The following DGKB variants were observed in gnomAD, a reference collection of about 807,000 sequenced individuals.
The protein encoded by DGKB is diacylglycerol kinase beta.
In DGKB, 67 loss-of-function variants were observed where a neutral mutation model predicts 114.3. The observed-to-expected ratio is 0.59, with a 90% CI of 0.48 to 0.72. The LOEUF is 0.72. Ranked by LOEUF, DGKB falls within the 30% of genes least tolerant of loss-of-function variation. The pLI, the probability that DGKB is intolerant of heterozygous loss-of-function variation, is 0.00. For missense variants in DGKB, 907 were observed against 975.2 expected (o/e 0.93, Z 0.93); for synonymous variants, 398 against 323.1 (o/e 1.23, Z -2.49).
chr7:14,439,658 G>A (rs1348050502), intron 21 of DGKB, among the ~76,000 whole-genome samples: 1 of 152,030 alleles, frequency 6.6e-6, no homozygotes. Flanking sequence ...GAGGTCAGGA[G>A]TTTGAGACCA....
intron 2 of DGKB, among the ~76,000 whole-genome samples, chr7:14,825,421 C>A (rs1233724069): frequency 6.6e-6 from 1 of 152,134 alleles, no homozygotes; most frequent in African/African-American, 2.4e-5. Context: ...TTTCCTGCAA[C>A]TGGATGGTCC....
Position 14,841,229 on chromosome 7 carries a change from G to A in DGKB, c.35C>T (p.Pro12Leu). 6.2e-7 allele frequency: 1 copy of A among 1,613,550 alleles called. No individual in the cohort carries two copies. Among genetic ancestry groups the A allele is most frequent in the Non-Finnish European group, 8.5e-7 (1 of 1,179,712 alleles). The change falls in exon 2 of 26, where the codon CCT (proline) becomes CTT (leucine). Residue 12 changes from proline to leucine, a missense_variant. Around this residue, in one of 3 missense-constraint regions of DGKB, gnomAD observed 814 missense variants for 856.6 expected, o/e 0.95. Coordinates refer to ENST00000402815, the MANE Select transcript of DGKB (RefSeq NM_001350709.2). ...TNQEKWAHLS[P>L]SEFSQLQKYA... ...TTTCTGAAGTTGGGAAAATTCCGAA[G>A]GGCTGAGGTGGGCCCATTTTTCCTG...
chr7:14,418,986 C>T lies in DGKB; in HGVS notation c.1835+59175G>A, dbSNP rs184506964. 9.9e-5 allele frequency among the ~76,000 whole-genome samples: 15 copies of T among 151,944 alleles called. No individual in the cohort carries two copies. In the East Asian group the frequency reaches 2.3e-3, roughly 24 times the overall value. ...ACAATATTCCAGGCCATAGGTTCTG[C>T]ATAGCACATTAGGGAGACAAGACTC... On this transcript the variant is annotated intron_variant, in intron 21 of 25. Transcript: ENST00000402815.
chr7:14,296,312 G>A (rs1055913108), intron 23 of DGKB, among the ~76,000 whole-genome samples: 2 of 152,124 alleles, frequency 1.3e-5, no homozygotes, highest in African/African-American at 4.8e-5. Flanking sequence ...TTACAGGCGT[G>A]AGCCACCATG....
At chr7:14,649,467 G>A (rs1022845203) in intron 13 of DGKB, among the ~76,000 whole-genome samples, 5 of 151,422 alleles carry the variant, frequency 3.3e-5, no homozygotes, top group Non-Finnish European at 5.9e-5. Flanking sequence ...TCACCACCAG[G>A]CCTGCCTTAC....
chr7:14,717,671 A>G (rs1194168552), intron 6 of DGKB, among the ~76,000 whole-genome samples: 2 of 152,244 alleles, frequency 1.3e-5, no homozygotes, highest in East Asian at 1.9e-4. Context: ...GATTATTTAC[A>G]TTTGCTTCAG....
intron 21 of DGKB, among the ~76,000 whole-genome samples, chr7:14,443,305 A>G (rs887516432): frequency 6.6e-6 from 1 of 152,052 alleles, no homozygotes; most frequent in African/African-American, 2.4e-5. Flanking sequence ...TGACCTCTCA[A>G]TCAGACACCA....
intron 1 of DGKB, among the ~76,000 whole-genome samples, chr7:14,961,547 T>A (rs1289954169): frequency 6.6e-6 from 1 of 152,116 alleles, no homozygotes; most frequent in Admixed American, 6.6e-5. Flanking sequence ...AAAGTGTGGT[T>A]GGGAGCAACA....
intron 1 of DGKB, among the ~76,000 whole-genome samples, chr7:14,849,489 C>A (rs905231901): frequency 6.6e-6 from 1 of 152,088 alleles, no homozygotes; most frequent in Non-Finnish European, 1.5e-5. Flanking sequence ...TGTGACAATG[C>A]AGCAAGAAGG....
Position 14,283,014 on chromosome 7 carries a change from G to T in DGKB, c.2122+55501C>A, listed in dbSNP as rs1584923456. Among the ~76,000 whole-genome samples, 3 of 151,798 alleles carry T rather than the reference G, an allele frequency of 2.0e-5. No homozygotes were observed. The East Asian group carries it at 5.8e-4, about 29-fold the overall frequency. ...CATAGTGTTGGAAGTTCTGGCCAGG[G>T]CAATTAGTCAGGAGAAGGAAATAAG... is the stretch of plus-strand genomic sequence containing the variant. On this transcript the variant is annotated intron_variant, in intron 23 of 25. Coordinates refer to ENST00000402815, the MANE Select transcript of DGKB (RefSeq NM_001350709.2).
At chr7:14,782,111 C>G (rs1839195096) in intron 2 of DGKB, among the ~76,000 whole-genome samples, 1 of 149,106 alleles carries the variant, frequency 6.7e-6, no homozygotes, top group African/African-American at 2.5e-5. Flanking sequence ...TGCAACCTCT[C>G]CCTCTCAGGC....
intron 2 of DGKB, among the ~76,000 whole-genome samples, chr7:14,784,236 C>A (rs1031059049): frequency 6.6e-6 from 1 of 151,742 alleles, no homozygotes; most frequent in Non-Finnish European, 1.5e-5. Context: ...TGTGTTCTAT[C>A]GTCTAAGCTT....
intron 24 of DGKB, among the ~76,000 whole-genome samples, chr7:14,177,554 C>CAAAAAAAAAAAAAAAAAAAAAAAAAAAA (rs56019837): frequency 7.7e-4 from 53 of 69,026 alleles, no homozygotes; most frequent in Admixed American, 1.6e-3. Flanking sequence ...AACTCCGTCT[C>CAAAAAAAAAAAAAAAAAAAAAAAAAAAA]AAAAAAAAAA....
intron 20 of DGKB, among the ~76,000 whole-genome samples, chr7:14,551,484 G>A (rs1795099154): frequency 6.6e-6 from 1 of 152,164 alleles, no homozygotes; most frequent in African/African-American, 2.4e-5. Context: ...TGACTTCTGT[G>A]TTGAAGAGTG....
chr7:14,172,535 T>C (rs1321321752), intron 25 of DGKB, among the ~76,000 whole-genome samples: 2 of 152,160 alleles, frequency 1.3e-5, no homozygotes, highest in African/African-American at 4.8e-5. Context: ...AGGATGACTT[T>C]CAGATTTCTA....
At chr7:14,152,804 G>C (rs1222230978) in intron 25 of DGKB, among the ~76,000 whole-genome samples, 1 of 152,030 alleles carries the variant, frequency 6.6e-6, no homozygotes, top group African/African-American at 2.4e-5. Flanking sequence ...TGATAGTTGT[G>C]ATAGTTCCAC....
At chr7:14,443,248 C>T (rs1268192323) in intron 21 of DGKB, among the ~76,000 whole-genome samples, 1 of 152,098 alleles carries the variant, frequency 6.6e-6, no homozygotes, top group Non-Finnish European at 1.5e-5. Context: ...ACCATCAGAT[C>T]CCATCACTTC....
At chr7:14,958,108 C>G (rs1196071832) in intron 1 of DGKB, among the ~76,000 whole-genome samples, 1 of 151,900 alleles carries the variant, frequency 6.6e-6, no homozygotes, top group Non-Finnish European at 1.5e-5. Context: ...CTTATTCAAA[C>G]AATTTTGGCA....
chr7:14,294,833 A>T (rs1157701584), intron 23 of DGKB, among the ~76,000 whole-genome samples: 1 of 152,182 alleles, frequency 6.6e-6, no homozygotes, highest in Admixed American at 6.6e-5. Flanking sequence ...GTTTAATGAG[A>T]TAATCAGATA....
Sources: gnomAD v4.1 joint callset for allele counts (sites outside exome capture counted in the v4.1 genomes callset) on GRCh38, gnomAD v4.1.1 for gene constraint, gnomAD v4.1.1 regional missense constraint, MANE v1.5 for transcripts, NCBI Gene and HGNC (gene_info 2026-07-23, HGNC 2026-07-21) for gene names.